The following TMC1 variants were observed in gnomAD, a reference collection of about 807,000 sequenced individuals.
TMC1 encodes the protein transmembrane channel like 1.
In TMC1, 84 loss-of-function variants were observed where a neutral mutation model predicts 105.8. That is an observed-to-expected ratio of 0.79 (90% CI 0.67 to 0.95). TMC1 has a LOEUF of 0.95. TMC1 is among the 40% of genes least tolerant of loss of function. The probability of loss-of-function intolerance (pLI) is 0.00; values close to 1 mark genes in which losing one functional copy is unlikely to be tolerated. For missense variants in TMC1, 817 were observed against 914.1 expected, an observed-to-expected ratio of 0.89 and a Z score of 1.37; for synonymous variants, 315 against 311.5, an observed-to-expected ratio of 1.01 and a Z score of -0.12.
At chr9:72,772,868 A>G (rs1827952610) in intron 13 of TMC1, among the ~76,000 whole-genome samples, 1 of 152,146 alleles carries the variant, frequency 6.6e-6, no homozygotes. Flanking sequence ...TGCCAGCAAG[A>G]CAGGAAAACA....
At chr9:72,688,839 C>G in intron 6 of TMC1, 83 bp downstream of exon 6, 1 of 1,168,686 alleles carries the variant, frequency 8.6e-7, no homozygotes, top group Non-Finnish European at 1.3e-6. Context: ...TGGACTTGAG[C>G]TACCATATGT....
In TMC1 at chr9:72,627,030, GTTT is replaced by G. The variant is rs1261010748; in HGVS notation, c.-195-877_-195-875del. 1.8e-3 allele frequency among the ~76,000 whole-genome samples: 235 copies of G among 127,686 alleles called. 1 individual carries two copies. The highest frequency in any genetic ancestry group is 6.1e-3 in the African/African-American group (215 of 35,224). The allele number at this position is 127,686 out of a possible 152,430, so 83.8% of individuals were successfully genotyped here. On this transcript the variant is annotated intron_variant, in intron 3 of 23. Transcript: ENST00000297784. Reference sequence around the variant, plus strand: ...TCATAAATGTACTACTATGTTGTTGGTTTTTTTTTTTTTTTTGGGTCTGTCATT... The same window carrying G: ...TCATAAATGTACTACTATGTTGTTGGTTTTTTTTTTTTTGGGTCTGTCATT...
chr9:72,736,491 G>A (rs780039069), intron 8 of TMC1, among the ~76,000 whole-genome samples: 9 of 152,100 alleles, frequency 5.9e-5, no homozygotes, highest in Admixed American at 1.3e-4. Flanking sequence ...TTGTGCTTTC[G>A]AATTGACCAC....
chr9:72,815,902 C>G (rs1429177638), intron 18 of TMC1, among the ~76,000 whole-genome samples: 1 of 151,950 alleles, frequency 6.6e-6, no homozygotes, highest in Non-Finnish European at 1.5e-5. Flanking sequence ...TATAAGGGAG[C>G]CTGTCTTGCT....
At chr9:72,625,720 A>AGGGG (rs1825336564) in intron 3 of TMC1, among the ~76,000 whole-genome samples, 1 of 151,162 alleles carries the variant, frequency 6.6e-6, no homozygotes, top group Non-Finnish European at 1.5e-5. Context: ...AAAAGGAATC[A>AGGGG]GGGGTTTGGT....
At chr9:72,738,805 A>G (rs1827342036) in intron 8 of TMC1, among the ~76,000 whole-genome samples, 1 of 152,048 alleles carries the variant, frequency 6.6e-6, no homozygotes, top group Admixed American at 6.5e-5. Context: ...GTAAAACCAC[A>G]TATTCCAGGA....
intron 8 of TMC1, among the ~76,000 whole-genome samples, chr9:72,706,270 A>G (rs1257218658): frequency 6.6e-6 from 1 of 152,134 alleles, no homozygotes; most frequent in Admixed American, 6.6e-5. Flanking sequence ...TTTATACTTT[A>G]GTTTTTCTCT....
At chr9:72,591,142 T>C (rs1824633645) in intron 2 of TMC1, among the ~76,000 whole-genome samples, 1 of 152,142 alleles carries the variant, frequency 6.6e-6, no homozygotes, top group African/African-American at 2.4e-5. Context: ...ACAGGCCCCT[T>C]GCTTGTTGGT....
intron 8 of TMC1, among the ~76,000 whole-genome samples, chr9:72,735,579 A>G (rs1465639771): frequency 6.6e-6 from 1 of 152,188 alleles, no homozygotes. Context: ...CTAATTGTAC[A>G]ATGAAATATG....
intron 18 of TMC1, among the ~76,000 whole-genome samples, chr9:72,813,951 C>A (rs1828742915): frequency 6.6e-6 from 1 of 152,164 alleles, no homozygotes; most frequent in African/African-American, 2.4e-5. Context: ...GTTGTTCCTC[C>A]AGCTGTCCCT....
At chr9:72,632,304 G>A (rs1353165174) in intron 4 of TMC1, among the ~76,000 whole-genome samples, 1 of 152,124 alleles carries the variant, frequency 6.6e-6, no homozygotes, top group Non-Finnish European at 1.5e-5. Flanking sequence ...CATTCATGAG[G>A]AATCTGACCC....
intron 1 of TMC1, among the ~76,000 whole-genome samples, chr9:72,547,816 C>T (rs573346180): frequency 4.6e-5 from 7 of 152,274 alleles, no homozygotes; most frequent in Admixed American, 2.0e-4. Flanking sequence ...GCGTATTAGT[C>T]CACTCGGGAT....
intron 8 of TMC1, among the ~76,000 whole-genome samples, chr9:72,736,350 A>G (rs758417727): frequency 5.9e-5 from 9 of 152,180 alleles, no homozygotes; most frequent in Admixed American, 3.3e-4. Context: ...ACTGATTTTA[A>G]TTTGACTGTT....
chr9:72,735,219 A>G lies in TMC1; in HGVS notation c.363-4900A>G, dbSNP rs545320254. 7.2e-5 allele frequency among the ~76,000 whole-genome samples: 11 copies of G among 152,316 alleles called. No individual in the cohort carries two copies. In the South Asian group the frequency reaches 2.3e-3, roughly 32 times the overall value. On this transcript the variant is annotated intron_variant, in intron 8 of 23. Coordinates refer to ENST00000297784, the MANE Select transcript of TMC1 (RefSeq NM_138691.3). ...AGCTCTGAGACCTGAAGACCAGATT[A>G]CAGTCTTGGCAGGTGGCTTTTGTTG...
intron 8 of TMC1, among the ~76,000 whole-genome samples, chr9:72,732,065 A>G (rs1328966971): frequency 6.6e-6 from 1 of 152,254 alleles, no homozygotes; most frequent in Non-Finnish European, 1.5e-5. Context: ...TAAAATAAAC[A>G]AAATTTATTT....
At chr9:72,688,561 A>G in intron 5 of TMC1, 148 bp from the exon 6 acceptor site, 1 of 689,886 alleles carries the variant, frequency 1.4e-6, no homozygotes, top group Non-Finnish European at 2.5e-6. Flanking sequence ...GTATATCTTT[A>G]ATAAATCGTG....
intron 1 of TMC1, among the ~76,000 whole-genome samples, chr9:72,562,211 CTCT>C (rs2132080544): frequency 6.6e-6 from 1 of 152,218 alleles, no homozygotes; most frequent in Non-Finnish European, 1.5e-5. Flanking sequence ...TAAATATATG[CTCT>C]AAGTCAAGGG....
At chr9:72,692,399 T>C (rs960186366) in intron 6 of TMC1, among the ~76,000 whole-genome samples, 2 of 152,138 alleles carry the variant, frequency 1.3e-5, no homozygotes, top group African/African-American at 4.8e-5. Context: ...CTAGCTGATT[T>C]TGTGTTCATC....
At chr9:72,646,664 C>T (rs372680554) in intron 4 of TMC1, among the ~76,000 whole-genome samples, 6 of 150,820 alleles carry the variant, frequency 4.0e-5, no homozygotes, top group Admixed American at 6.6e-5. Context: ...GATGGAGTCT[C>T]GCCCCGTCCT....
Sources: allele counts gnomAD v4.1 joint callset (sites outside exome capture counted in the v4.1 genomes callset), GRCh38; gene constraint gnomAD v4.1.1; transcripts MANE v1.5; gene names NCBI Gene and HGNC (gene_info 2026-07-23, HGNC 2026-07-21).